NLRP14: variants seen among roughly 807,000 people sequenced by gnomAD.
The protein encoded by NLRP14 is NACHT, LRR and PYD domains-containing protein 14.
Under a neutral mutation model 94.7 loss-of-function variants are expected in NLRP14, and 105 were observed. The observed-to-expected ratio is 1.11, with a 90% CI of 0.95 to 1.30. The LOEUF (loss-of-function observed/expected upper bound fraction) is 1.30, where lower values mean the gene tolerates loss of function less well. Ranked by LOEUF, NLRP14 falls within the 50% of genes most tolerant of loss-of-function variation. The pLI, the probability that NLRP14 is intolerant of heterozygous loss-of-function variation, is 0.00. For missense variants in NLRP14, 1,362 were observed against 1,254.1 expected (o/e 1.09, Z -1.30); for synonymous variants, 508 against 459.9 (o/e 1.10, Z -1.34).
At chr11:7,046,415 G>A (rs927997792) in intron 4 of NLRP14, among the ~76,000 whole-genome samples, 10 of 152,046 alleles carry the variant, frequency 6.6e-5, no homozygotes, top group African/African-American at 2.4e-4. Context: ...TTCCTCTAAA[G>A]TAAAGCTTCT....
intron 6 of NLRP14, among the ~76,000 whole-genome samples, chr11:7,051,678 G>A (rs1407308057): frequency 6.6e-6 from 1 of 152,148 alleles, no homozygotes; most frequent in African/African-American, 2.4e-5. Flanking sequence ...GTGCAGTGGT[G>A]CGATCTCGGC....
chr11:7,076,980 G>T, the NLRP14 span, among the ~76,000 whole-genome samples: 1 of 152,200 alleles, frequency 6.6e-6, no homozygotes, highest in African/African-American at 2.4e-5. Context: ...GTGAAGATAG[G>T]TGATCTTGTT....
intron 10 of NLRP14, among the ~76,000 whole-genome samples, chr11:7,067,530 A>T (rs1380060243): frequency 6.6e-6 from 1 of 152,044 alleles, no homozygotes; most frequent in Non-Finnish European, 1.5e-5. Context: ...AATGCTTGTG[A>T]TTTTTGCACA....
rs184636393 is a variant in NLRP14 at position 7,051,705 on chromosome 11, C to T, written c.2291+1867C>T. Among the ~76,000 whole-genome samples, 323 of 152,274 alleles carry T rather than the reference C, an allele frequency of 2.1e-3. 1 individual carries two copies. Among genetic ancestry groups the T allele is most frequent in the Non-Finnish European group, 3.8e-3 (259 of 68,020 alleles). On this transcript the variant is annotated intron_variant, in intron 6 of 11. Coordinates refer to ENST00000299481, the MANE Select transcript of NLRP14 (RefSeq NM_176822.4). ...GATCTCGGCTCACTGCAGCCTCCACCTCTGCCTCCTGGGTTCAAGCGATTC... is the reference window on the plus strand; with the variant it reads ...GATCTCGGCTCACTGCAGCCTCCACTTCTGCCTCCTGGGTTCAAGCGATTC...
At chr11:7,089,250 G>A in the NLRP14 span, 2 of 1,612,218 alleles carry the variant, frequency 1.2e-6, no homozygotes, top group African/African-American at 2.7e-5. Context: ...GAAAGACCGA[G>A]AAACCAACAA....
At chr11:7,065,275 G>T (rs556805698) in intron 10 of NLRP14, among the ~76,000 whole-genome samples, 1 of 152,006 alleles carries the variant, frequency 6.6e-6, no homozygotes, top group African/African-American at 2.4e-5. Context: ...CTTGTATTTT[G>T]TTACTGGTTA....
At position 7,071,313 on chromosome 11, in the gene NLRP14, A is replaced by C. The variant is rs1258880600; in HGVS notation, c.*5A>C. The C allele has an allele frequency of 1.9e-6, 3 of 1,609,282 alleles. No individual in the cohort carries two copies. Among genetic ancestry groups the C allele is most frequent in the Admixed American group, 1.7e-5 (1 of 59,994 alleles). On this transcript the variant is annotated 3_prime_UTR_variant, in exon 12 of 12. Coordinates refer to ENST00000299481, the MANE Select transcript of NLRP14 (RefSeq NM_176822.4). ...TCTTGGTGGTGGTGTTTCTGATTTG[A>C]AGAAACTGACATTCCTTTAAAAATA...
chr11:7,056,459 A>G (rs1319221680), intron 6 of NLRP14, among the ~76,000 whole-genome samples: 2 of 144,736 alleles, frequency 1.4e-5, no homozygotes, highest in East Asian at 4.1e-4. Flanking sequence ...TGAGGCTAAG[A>G]TTTCATACAT....
At chr11:7,082,973 A>T in the NLRP14 span, among the ~76,000 whole-genome samples, 1 of 152,270 alleles carries the variant, frequency 6.6e-6, no homozygotes, top group Non-Finnish European at 1.5e-5. Context: ...TTTATTGTTT[A>T]GGAATCATCA....
chr11:7,042,708 A>T lies in NLRP14; in HGVS notation c.682A>T (p.Ser228Cys), dbSNP rs763544856. Residue 228 changes from serine (S) to cysteine (C), a missense_variant, in exon 4 of 12, where the codon AGC becomes TGC. By Grantham distance (112) the Ser-to-Cys change is moderately radical. Coordinates refer to ENST00000299481, the MANE Select transcript of NLRP14 (RefSeq NM_176822.4). ...GREINQLKER[S>C]FAQLISKDWP... ...AGAAATTAACCAGCTGAAAGAGAGAAGCTTTGCTCAATTGATATCAAAGGA... is the reference window on the plus strand; with the variant it reads ...AGAAATTAACCAGCTGAAAGAGAGATGCTTTGCTCAATTGATATCAAAGGA... 6.2e-7 allele frequency: 1 copy of T among 1,614,216 alleles called. No individual in the cohort carries two copies. Among genetic ancestry groups the T allele is most frequent in the Non-Finnish European group, 8.5e-7 (1 of 1,180,030 alleles).
rs370253823 is a variant in NLRP14 at position 7,047,763 on chromosome 11, C to CTTTTTTTTTTTTT, written c.2123+935_2123+936insTTTTTTTTTTTTT. ...AATTTATCTTCTTTCTCTTTCTTTT[C>CTTTTTTTTTTTTT]TTTTCTTTTTTTTTTTTGAGACAGT... On this transcript the variant is annotated intron_variant, in intron 5 of 11. Coordinates refer to ENST00000299481, the MANE Select transcript of NLRP14 (RefSeq NM_176822.4). 4.0e-5 allele frequency among the ~76,000 whole-genome samples: 5 copies of CTTTTTTTTTTTTT among 123,842 alleles called. 1 individual carries two copies. The highest frequency in any genetic ancestry group is 8.2e-5 in the Non-Finnish European group (5 of 60,740). 81.2% of individuals were successfully genotyped at this position (123,842 alleles called of 152,430 possible). A position where few individuals can be genotyped will look rare whatever the true frequency, so the allele number is the denominator to read the frequency against.
intron 10 of NLRP14, among the ~76,000 whole-genome samples, chr11:7,065,453 T>C (rs1431026582): frequency 2.0e-5 from 3 of 152,144 alleles, no homozygotes; most frequent in African/African-American, 7.2e-5. Context: ...GTAGATACTT[T>C]TGTATTTTTT....
intron 1 of NLRP14, among the ~76,000 whole-genome samples, chr11:7,026,541 C>G (rs1387649959): frequency 6.6e-6 from 1 of 151,940 alleles, no homozygotes; most frequent in African/African-American, 2.4e-5. Context: ...AATAGGAACA[C>G]TTTTACACTG....
downstream of NLRP14, among the ~76,000 whole-genome samples, chr11:7,076,376 A>C (rs1323892002): frequency 6.6e-6 from 1 of 152,096 alleles, no homozygotes; most frequent in African/African-American, 2.4e-5. Flanking sequence ...TTTTCTTTTT[A>C]ATTTTTTTGT....
At chr11:7,045,985 G>A (rs186868958) in intron 4 of NLRP14, among the ~76,000 whole-genome samples, 11 of 152,112 alleles carry the variant, frequency 7.2e-5, no homozygotes, top group Admixed American at 3.9e-4. Context: ...ACTCAGAGCC[G>A]CTCCATTGTC....
Position 7,043,757 on chromosome 11 carries a change from G to T in NLRP14, c.1731G>T (p.Leu577=). ...ACAGTGACTATTCTCCATCACAGCTGGGATTTCTGGAGTTGTTTCACTGTC... is the reference window on the plus strand; with the variant it reads ...ACAGTGACTATTCTCCATCACAGCTTGGATTTCTGGAGTTGTTTCACTGTC... ...LGNSDYSPSQ[L]GFLELFHCLY... is the part of the protein sequence containing the mutation. The change falls in exon 4 of 12, where the codon CTG becomes CTT. Residue 577 remains leucine (L), a synonymous_variant. Coordinates refer to ENST00000299481, the MANE Select transcript of NLRP14 (RefSeq NM_176822.4). The T allele has an allele frequency of 6.2e-7, 1 of 1,614,086 alleles. No individual in the cohort carries two copies. Among genetic ancestry groups the T allele is most frequent in the African/African-American group, 1.3e-5 (1 of 75,036 alleles).
rs1373531202 is a variant in NLRP14, at chr11:7,026,232, G to A, written c.-22+5462G>A. ...AGTGAACAGGCAACCTACAGAATGG[G>A]AGAAAATTTTCGCAACCTACTCATC... On this transcript the variant is annotated intron_variant, in intron 1 of 11. Transcript: ENST00000299481. 3.9e-5 allele frequency among the ~76,000 whole-genome samples: 6 copies of A among 152,160 alleles called. No individual in the cohort carries two copies. In the East Asian group the frequency reaches 7.7e-4, roughly 20 times the overall value.
At chr11:7,070,566 T>C in intron 11 of NLRP14, 110 bp downstream of exon 11, 1 of 734,032 alleles carries the variant, frequency 1.4e-6, no homozygotes. Flanking sequence ...CATTGGGTAT[T>C]TTCTAGACAC....
At chr11:7,057,905 A>G in intron 7 of NLRP14, 58 bp downstream of exon 7, 4 of 1,416,470 alleles carry the variant, frequency 2.8e-6, no homozygotes, top group South Asian at 2.3e-5. Context: ...GTGTAGCTTA[A>G]TTGTGATCTG....
Sources: allele counts gnomAD v4.1 joint callset (sites outside exome capture counted in the v4.1 genomes callset), GRCh38; gene constraint gnomAD v4.1.1; transcripts MANE v1.5; gene names NCBI Gene and HGNC (gene_info 2026-07-23, HGNC 2026-07-21).